The following MRPS18B variants were observed in gnomAD, a reference collection of about 807,000 sequenced individuals.
MRPS18B encodes small ribosomal subunit protein mS40.
In MRPS18B, 27 loss-of-function variants were observed where a neutral mutation model predicts 28.4. That is an observed-to-expected ratio of 0.95 (90% confidence interval 0.70 to 1.31). MRPS18B has a LOEUF of 1.31. Ranked by LOEUF, MRPS18B falls within the 40% of genes most tolerant of loss-of-function variation. The pLI is 0.00. For synonymous variants in MRPS18B, 118 were observed against 123.7 expected (o/e 0.95, Z 0.30); for missense variants, 343 against 335.9 (o/e 1.02, Z -0.17).
rs199725053 is a variant in MRPS18B at position 30,619,922 on chromosome 6, G to A, written c.287G>A (p.Arg96His). Residue 96 changes from arginine (R) to histidine (H), a missense_variant and splice_region_variant, in exon 4 of 7, where the codon CGT becomes CAT. Transcript: ENST00000259873. ...PPQRTRKTCI[R>H]RNKVVGNPCP... Reference sequence around the variant, plus strand: ...CTGCTGTTTTTTTTCTCTCTACAGCGTCGGAATAAAGTTGTTGGGAATCCC... The same window carrying A: ...CTGCTGTTTTTTTTCTCTCTACAGCATCGGAATAAAGTTGTTGGGAATCCC... The A allele has an allele frequency of 5.9e-5, 95 of 1,614,094 alleles. No individual in the cohort carries two copies. The East Asian group carries it at 9.4e-4, about 16-fold the overall frequency.
At chr6:30,621,317 G>T (rs183138129) in intron 4 of MRPS18B, among the ~76,000 whole-genome samples, 6,728 of 152,172 alleles carry the variant, frequency 0.044, 262 homozygotes, top group African/African-American at 0.11. Flanking sequence ...CAGGAGAATT[G>T]CTTGAACCCG....
chr6:30,622,019 T>C (rs934574227), intron 4 of MRPS18B, among the ~76,000 whole-genome samples: 3 of 152,148 alleles, frequency 2.0e-5, no homozygotes, highest in Admixed American at 6.5e-5. Flanking sequence ...TTTAGTAGCA[T>C]GGGTGATTCT....
In MRPS18B at chr6:30,625,854, A is replaced by AC; in HGVS notation, c.*58dup. The stretch of plus-strand genomic sequence containing the variant: ...GGTGGCTCACTCCTGTAATCCCAGC[A>AC]CTTTGGGAAGCCAAGGTGGGCTGAT... On this transcript the variant is annotated 3_prime_UTR_variant, in exon 7 of 7. Coordinates refer to ENST00000259873, the MANE Select transcript of MRPS18B (RefSeq NM_014046.4). The AC allele has an allele frequency of 6.5e-7, 1 of 1,528,572 alleles. No individual in the cohort carries two copies. The highest frequency in any genetic ancestry group is 8.9e-7 in the Non-Finnish European group (1 of 1,126,448). The allele number at this position is 1,528,572 out of a possible 1,614,324, so 94.7% of individuals were successfully genotyped here. A position where few individuals can be genotyped will look rare whatever the true frequency, so the allele number is the denominator to read the frequency against.
At position 30,619,940 on chromosome 6, in the gene MRPS18B, G is replaced by A. The variant is rs746099833; in HGVS notation, c.305G>A (p.Gly102Glu). Reference protein sequence around the residue: ...KTCIRRNKVVGNPCPICRDHK... With the variant: ...KTCIRRNKVVENPCPICRDHK... Reference sequence around the variant, plus strand: ...CTACAGCGTCGGAATAAAGTTGTTGGGAATCCCTGCCCCATCTGTCGAGAT... The same window carrying A: ...CTACAGCGTCGGAATAAAGTTGTTGAGAATCCCTGCCCCATCTGTCGAGAT... The change falls in exon 4 of 7, where the codon GGG (glycine) becomes GAG (glutamate). Residue 102 changes from glycine (G) to glutamate (E), a missense_variant. Transcript: ENST00000259873. 1.2e-6 allele frequency: 2 copies of A among 1,614,112 alleles called. No individual in the cohort carries two copies. The highest frequency in any genetic ancestry group is 1.7e-6 in the Non-Finnish European group (2 of 1,180,014).
chr6:30,621,151 T>C (rs977212599), intron 4 of MRPS18B, among the ~76,000 whole-genome samples: 2 of 152,172 alleles, frequency 1.3e-5, no homozygotes, highest in Non-Finnish European at 2.9e-5. Flanking sequence ...CCTGTAATGC[T>C]AGCACTTTGG....
At position 30,626,151 on chromosome 6, in the gene MRPS18B, A is replaced by G. The variant is rs2127472120; in HGVS notation, c.*354A>G. The stretch of plus-strand genomic sequence containing the variant: ...CTAGAGGGACTAGGAGATAATGTGT[A>G]TGTAGGTTTATGTGATGGGATATCA... On this transcript the variant is annotated 3_prime_UTR_variant, in exon 7 of 7. Transcript: ENST00000259873. 1 of 257,196 alleles carries G rather than the reference A, an allele frequency of 3.9e-6. No homozygotes were observed. The highest frequency in any genetic ancestry group is 7.4e-6 in the Non-Finnish European group (1 of 135,240). 15.9% of individuals were successfully genotyped at this position (257,196 alleles called of 1,614,324 possible). A position where few individuals can be genotyped will look rare whatever the true frequency, so the allele number is the denominator to read the frequency against.
intron 6 of MRPS18B, 77 bp downstream of exon 6, chr6:30,625,019 A>G (rs1761411416): frequency 2.6e-6 from 4 of 1,509,656 alleles, no homozygotes; most frequent in South Asian, 1.1e-5. Flanking sequence ...ATGGATATAA[A>G]TGCTCACACC....
At chr6:30,622,997 T>G in intron 5 of MRPS18B, 99 bp downstream of exon 5, 2 of 1,228,240 alleles carry the variant, frequency 1.6e-6, no homozygotes, top group South Asian at 1.2e-5. Flanking sequence ...CTCCTGCTTA[T>G]AGCCTAAAAG....
intron 6 of MRPS18B, among the ~76,000 whole-genome samples, chr6:30,625,264 T>TA (rs562979476): frequency 6.6e-6 from 1 of 152,188 alleles, no homozygotes; most frequent in Non-Finnish European, 1.5e-5. Context: ...ACCCCTCTGC[T>TA]AGGGCAGATG....
chr6:30,623,920 C>G (rs1176655560), intron 5 of MRPS18B, among the ~76,000 whole-genome samples: 1 of 152,076 alleles, frequency 6.6e-6, no homozygotes, highest in Admixed American at 6.5e-5. Context: ...GGATTGCAGG[C>G]ACATGCCACC....
intron 5 of MRPS18B, among the ~76,000 whole-genome samples, chr6:30,624,057 G>A (rs910567554): frequency 1.3e-5 from 2 of 150,880 alleles, no homozygotes; most frequent in Non-Finnish European, 3.0e-5. Context: ...CACCGTGCCC[G>A]GCAGAGACTA....
At chr6:30,620,173 C>T (rs967309828) in intron 4 of MRPS18B, 184 bp downstream of exon 4, 48 of 592,778 alleles carry the variant, frequency 8.1e-5, no homozygotes, top group Admixed American at 1.5e-4. Context: ...AAAAATTAGC[C>T]GGTTGTGGTG....
intron 4 of MRPS18B, among the ~76,000 whole-genome samples, chr6:30,622,561 CAAAAAAAA>C (rs554297101): frequency 9.1e-4 from 26 of 28,564 alleles, no homozygotes; most frequent in Admixed American, 4.8e-3. Flanking sequence ...GACTCTGTCT[CAAAAAAAA>C]AAAAAAAAAA....
chr6:30,618,862 T>A (rs1295312342), intron 1 of MRPS18B, among the ~76,000 whole-genome samples: 1 of 152,190 alleles, frequency 6.6e-6, no homozygotes, highest in Non-Finnish European at 1.5e-5. Context: ...CTTACTTTAT[T>A]CTTCCACCAG....
At position 30,625,539 on chromosome 6, in the gene MRPS18B, G is replaced by A. The variant is rs768786765; in HGVS notation, c.519G>A (p.Arg173=). 25 of 1,583,594 alleles carry A rather than the reference G, an allele frequency of 1.6e-5. No homozygotes were observed. The highest frequency in any genetic ancestry group is 3.4e-4 in the Middle Eastern group (2 of 5,960). Residue 173 remains arginine, a synonymous_variant, in exon 7 of 7, where the codon CGG becomes CGA. Coordinates refer to ENST00000259873, the MANE Select transcript of MRPS18B (RefSeq NM_014046.4). ...LIYHIPQVEP[R]DLDFSTSHGA... Reference sequence around the variant, plus strand: ...ACCACATCCCCCAGGTTGAACCACGGGACCTTGACTTCAGTACCTCTCATG... The same window carrying A: ...ACCACATCCCCCAGGTTGAACCACGAGACCTTGACTTCAGTACCTCTCATG...
intron 4 of MRPS18B, 116 bp from the exon 5 acceptor site, chr6:30,622,716 A>G: frequency 1.1e-6 from 1 of 894,808 alleles, no homozygotes; most frequent in African/African-American, 1.6e-5. Context: ...GGAGAGCTGT[A>G]GAGGGGTGAA....
intron 1 of MRPS18B, chr6:30,618,618 C>T (rs1423337299): frequency 6.6e-6 from 1 of 152,288 alleles, no homozygotes; most frequent in African/African-American, 2.4e-5. Context: ...CTGCCACTCC[C>T]TAAAGTGGGA....
Position 30,625,694 on chromosome 6 carries a change from A to G in MRPS18B, c.674A>G (p.Gln225Arg), listed in dbSNP as rs1049258982. The change falls in exon 7 of 7, where the codon CAA becomes CGA. Residue 225 changes from glutamine (Q) to arginine (R), a missense_variant. Gln to Arg is a conservative substitution (Grantham distance 43, BLOSUM62 1). Transcript: ENST00000259873. ...CGCCGGCTTTACCAGGGTCATCTCC[A>G]AGAAGAGAGTGGCCCCCCACCTGAG... ...RLRRLYQGHL[Q>R]EESGPPPESM... The G allele has an allele frequency of 1.2e-6, 2 of 1,612,900 alleles. No individual in the cohort carries two copies. The highest frequency in any genetic ancestry group is 8.5e-7 in the Non-Finnish European group (1 of 1,180,014).
Position 30,619,956 on chromosome 6 carries a change from C to G in MRPS18B, c.321C>G (p.Ile107Met). Residue 107 changes from isoleucine (I) to methionine (M), a missense_variant, in exon 4 of 7, where the codon ATC (isoleucine) becomes ATG (methionine). Coordinates refer to ENST00000259873, the MANE Select transcript of MRPS18B (RefSeq NM_014046.4). ...RNKVVGNPCP[I>M]CRDHKLHVDF... ...AAGTTGTTGGGAATCCCTGCCCCAT[C>G]TGTCGAGATCACAAGTTGCATGTTG... The G allele has an allele frequency of 6.2e-7, 1 of 1,614,202 alleles. No homozygotes were observed.
Sources: gnomAD v4.1 joint callset for allele counts (sites outside exome capture counted in the v4.1 genomes callset) on GRCh38, gnomAD v4.1.1 for gene constraint, MANE v1.5 for transcripts, NCBI Gene and HGNC (gene_info 2026-07-23, HGNC 2026-07-21) for gene names.